CBR4: variants seen among roughly 807,000 people sequenced by gnomAD.
CBR4 encodes 3-oxoacyl-[acyl-carrier-protein] reductase.
Under a neutral mutation model 21.0 loss-of-function variants are expected in CBR4, and 22 were observed. The observed-to-expected ratio is 1.05, with a 90% confidence interval of 0.75 to 1.50. The LOEUF (loss-of-function observed/expected upper bound fraction) is 1.50. CBR4 is among the 40% of genes most tolerant of loss of function. The probability of loss-of-function intolerance (pLI) is 0.00; values close to 1 mark genes in which losing one functional copy is unlikely to be tolerated. For missense variants in CBR4, 302 were observed against 286.3 expected (o/e 1.05, Z -0.40); for synonymous variants, 100 against 104.4 (o/e 0.96, Z 0.26).
chr4:168,932,266 T>G (rs1175825718), intron 2 of CBR4, among the ~76,000 whole-genome samples: 1 of 147,994 alleles, frequency 6.8e-6, no homozygotes, highest in African/African-American at 2.5e-5. Context: ...CCAACAGAAA[T>G]CTTAGAGTTG....
chr4:168,918,327 T>TATATAC (rs1760674868), intron 2 of CBR4, among the ~76,000 whole-genome samples: 1 of 150,206 alleles, frequency 6.7e-6, no homozygotes, highest in Non-Finnish European at 1.5e-5. Flanking sequence ...AAATATGAGA[T>TATATAC]ATATATATAT....
In CBR4 at chr4:168,929,906, T is replaced by C. The variant is rs562029587; in HGVS notation, n.170-35141A>G. Among the ~76,000 whole-genome samples the C allele has an allele frequency of 5.3e-5, 8 of 152,308 alleles. No homozygotes were observed. In the South Asian group the frequency reaches 1.5e-3, roughly 28 times the overall value. ...AGTAAAATTTCAATTACAAAATGTGTACACACCTAACAAAATTCCACAGAT... is the reference window on the plus strand; with the variant it reads ...AGTAAAATTTCAATTACAAAATGTGCACACACCTAACAAAATTCCACAGAT... On this transcript the variant is annotated intron_variant and non_coding_transcript_variant, in intron 2 of 3. Coordinates refer to the CBR4 transcript ENST00000509108.
At chr4:169,006,353 T>G (rs555631767) in intron 3 of CBR4, among the ~76,000 whole-genome samples, 69 of 151,712 alleles carry the variant, frequency 4.5e-4, no homozygotes, top group Admixed American at 7.9e-4. Flanking sequence ...AAAAAAAAAA[T>G]TCACATAAAA....
Position 168,989,091 on chromosome 4 carries a change from A to C in CBR4, c.*1059T>G. The C allele has an allele frequency of 1.0e-5, 10 of 983,754 alleles. No homozygotes were observed. Among genetic ancestry groups the C allele is most frequent in the Non-Finnish European group, 1.2e-5 (10 of 828,394 alleles). 60.9% of individuals were successfully genotyped at this position (983,754 alleles called of 1,614,324 possible). A position where few individuals can be genotyped will look rare whatever the true frequency, so the allele number is the denominator to read the frequency against. On this transcript the variant is annotated 3_prime_UTR_variant, in exon 5 of 5. Transcript: ENST00000306193. The stretch of plus-strand genomic sequence containing the variant: ...GACCAGTGCCTTCACTGCTTCTTGT[A>C]AAGACATTTAATTTAATGTTATTGC...
At chr4:168,956,288 A>G (rs1296813741) in intron 2 of CBR4, among the ~76,000 whole-genome samples, 1 of 152,100 alleles carries the variant, frequency 6.6e-6, no homozygotes, top group East Asian at 1.9e-4. Flanking sequence ...CCCAGATACA[A>G]TACACCAGCA....
Position 168,989,723 on chromosome 4 carries a change from T to C in CBR4, c.*427A>G, listed in dbSNP as rs2126803898. 1.0e-6 allele frequency: 1 copy of C among 981,152 alleles called. No individual in the cohort carries two copies. 60.8% of individuals were successfully genotyped at this position (981,152 alleles called of 1,614,324 possible). ...TTTTGAGACAAAATATATAAATCAA[T>C]ACTTGTTTATATGACTTGCAAAATG... On this transcript the variant is annotated 3_prime_UTR_variant, in exon 5 of 5. Transcript: ENST00000306193.
chr4:168,943,667 T>C (rs890618521), intron 2 of CBR4, among the ~76,000 whole-genome samples: 2 of 152,130 alleles, frequency 1.3e-5, no homozygotes, highest in African/African-American at 2.4e-5. Context: ...TCCAACACTT[T>C]GGGAGGCTGA....
chr4:168,943,593 T>G (rs1763320932), intron 2 of CBR4, among the ~76,000 whole-genome samples: 1 of 152,088 alleles, frequency 6.6e-6, no homozygotes, highest in South Asian at 2.1e-4. Flanking sequence ...AGAGAGAAGT[T>G]GAACATGTGA....
At chr4:168,925,441 G>A (rs1013483744) in intron 2 of CBR4, 1 of 668,490 alleles carries the variant, frequency 1.5e-6, no homozygotes, top group Non-Finnish European at 2.7e-6. Context: ...TTCTGCAAAT[G>A]ACTGCCTTTT....
intron 2 of CBR4, among the ~76,000 whole-genome samples, chr4:168,899,676 C>T (rs1001663258): frequency 1.3e-5 from 2 of 151,910 alleles, no homozygotes; most frequent in African/African-American, 2.4e-5. Context: ...CAGCATTTTG[C>T]GAGGCCGAGA....
At chr4:168,923,568 GAAT>G (rs1457681814) in intron 2 of CBR4, among the ~76,000 whole-genome samples, 1 of 147,624 alleles carries the variant, frequency 6.8e-6, no homozygotes. Flanking sequence ...GAATTTTTCA[GAAT>G]AGTACTAAAG....
At chr4:168,904,995 T>A (rs961324995) in intron 2 of CBR4, among the ~76,000 whole-genome samples, 4 of 151,758 alleles carry the variant, frequency 2.6e-5, no homozygotes, top group African/African-American at 9.7e-5. Flanking sequence ...GGTGTGGTGG[T>A]AGGCACCTGT....
At chr4:168,986,266 C>T (rs1216892782), downstream of CBR4, among the ~76,000 whole-genome samples, 4 of 152,166 alleles carry the variant, frequency 2.6e-5, no homozygotes, top group South Asian at 2.1e-4. Context: ...GGGACTTGAG[C>T]ATCCACAGAT....
chr4:168,998,294 T>C (rs898667666), intron 4 of CBR4, among the ~76,000 whole-genome samples: 2 of 152,328 alleles, frequency 1.3e-5, no homozygotes, highest in East Asian at 1.9e-4. Context: ...CACTGCATCA[T>C]TAGTTGTAAC....
chr4:168,975,491 T>G, intron 2 of CBR4, among the ~76,000 whole-genome samples: 1 of 152,188 alleles, frequency 6.6e-6, no homozygotes, highest in Non-Finnish European at 1.5e-5. Flanking sequence ...AGAGTTGTTC[T>G]GAGTTGCTGT....
At position 168,990,086 on chromosome 4, in the gene CBR4, G is replaced by A. The variant is rs1578990329; in HGVS notation, c.*64C>T. 2.1e-6 allele frequency: 3 copies of A among 1,428,202 alleles called. No homozygotes were observed. Among genetic ancestry groups the A allele is most frequent in the South Asian group, 3.4e-5 (2 of 58,368 alleles). The allele number at this position is 1,428,202 out of a possible 1,614,324, so 88.5% of individuals were successfully genotyped here. The stretch of plus-strand genomic sequence containing the variant: ...ACATGTTACCCATGTAGGTATAATT[G>A]TCTAATCAGTAGCCAAAGTGTGCCC... On this transcript the variant is annotated 3_prime_UTR_variant, in exon 5 of 5. Transcript: ENST00000306193.
rs1764843581 is a variant in CBR4, at chr4:168,990,202, T to C, written c.662A>G (p.Tyr221Cys). 3 of 1,613,160 alleles carry C rather than the reference T, an allele frequency of 1.9e-6. No homozygotes were observed. Among genetic ancestry groups the C allele is most frequent in the Admixed American group, 1.7e-5 (1 of 59,914 alleles). The part of the protein sequence containing the change: ...HAVVFLLESP[Y>C]ITGHVLVVDG... ...CACTACCAGAACATGCCCTGTAATA[T>C]ACGGTGATTCTAAAAGAAACACAAC... The change falls in exon 5 of 5, where the codon TAT (tyrosine) becomes TGT (cysteine). Residue 221 changes from tyrosine (Y) to cysteine (C), a missense_variant. Physicochemically the swap from Tyr to Cys is radical, Grantham distance 194. Transcript: ENST00000306193.
intron 2 of CBR4, among the ~76,000 whole-genome samples, chr4:168,948,807 C>G (rs1299836693): frequency 6.6e-6 from 1 of 152,152 alleles, no homozygotes; most frequent in African/African-American, 2.4e-5. Flanking sequence ...GCGATACCTC[C>G]AGATTTGTTC....
intron 2 of CBR4, chr4:168,914,011 C>A: frequency 6.3e-7 from 1 of 1,596,014 alleles, no homozygotes; most frequent in Non-Finnish European, 8.6e-7. Context: ...AGGCCATCCT[C>A]ATGTCAGAAG....
Sources: allele counts gnomAD v4.1 joint callset (sites outside exome capture counted in the v4.1 genomes callset), GRCh38; gene constraint gnomAD v4.1.1; transcripts MANE v1.5; gene names NCBI Gene and HGNC (gene_info 2026-07-23, HGNC 2026-07-21).